SLC25A51: variants seen among roughly 807,000 people sequenced by gnomAD.
The protein encoded by SLC25A51 is mitochondrial nicotinamide adenine dinucleotide transporter SLC25A51.
A neutral mutation model predicts 19.1 loss-of-function variants in SLC25A51; 11 were observed. That is an observed-to-expected ratio of 0.58 (90% CI 0.36 to 0.96). The LOEUF is 0.96. Ranked by LOEUF, SLC25A51 falls within the 40% of genes least tolerant of loss-of-function variation. The probability of loss-of-function intolerance (pLI) is 0.01; values close to 1 mark genes in which losing one functional copy is unlikely to be tolerated. For synonymous variants in SLC25A51, 105 were observed against 133.6 expected (o/e 0.79, Z 1.47); for missense variants, 201 against 365.4 (o/e 0.55, Z 3.67).
intron 2 of SLC25A51, among the ~76,000 whole-genome samples, chr9:37,898,867 A>G (rs1455649198): frequency 6.6e-6 from 1 of 152,230 alleles, no homozygotes; most frequent in Non-Finnish European, 1.5e-5. Flanking sequence ...TCCCACCGCC[A>G]ATAACTCAAG....
chr9:37,895,080 T>C (rs909254695), intron 2 of SLC25A51, among the ~76,000 whole-genome samples: 1 of 152,264 alleles, frequency 6.6e-6, no homozygotes, highest in Non-Finnish European at 1.5e-5. Flanking sequence ...GCAGTGAACA[T>C]GGCTGTGCAT....
chr9:37,885,347 A>T (rs113315146), downstream of SLC25A51, among the ~76,000 whole-genome samples: 1 of 149,212 alleles, frequency 6.7e-6, no homozygotes, highest in South Asian at 2.1e-4. Context: ...AATGATAAAA[A>T]AAAAAAAAAA....
At chr9:37,885,729 AAGAACCGC>A, downstream of SLC25A51, 1 of 1,448,184 alleles carries the variant, frequency 6.9e-7, no homozygotes. Flanking sequence ...TGTGATGATG[AAGAACCGC>A]AGATCCATCA....
At chr9:37,885,603 C>A, downstream of SLC25A51, 1 of 748,834 alleles carries the variant, frequency 1.3e-6, no homozygotes, top group Non-Finnish European at 2.4e-6. Flanking sequence ...GAGTTTCACT[C>A]TTTTTGGCAA....
intron 2 of SLC25A51, among the ~76,000 whole-genome samples, chr9:37,891,496 T>C (rs1419722059): frequency 6.6e-6 from 1 of 152,346 alleles, no homozygotes; most frequent in East Asian, 1.9e-4. Flanking sequence ...GGAGACTCCA[T>C]TTTGTTCTGT....
intron 2 of SLC25A51, among the ~76,000 whole-genome samples, chr9:37,895,365 C>CA (rs1554694349): frequency 5.1e-5 from 7 of 138,262 alleles, no homozygotes; most frequent in Non-Finnish European, 1.1e-4. Flanking sequence ...CCACATTCGG[C>CA]TTTTTTTTTT....
At chr9:37,896,518 G>A (rs1010873943) in intron 2 of SLC25A51, among the ~76,000 whole-genome samples, 1 of 152,154 alleles carries the variant, frequency 6.6e-6, no homozygotes. Context: ...CTGGGTGGCC[G>A]GGCACAGTGG....
At chr9:37,884,719 A>T (rs1014831964), downstream of SLC25A51, among the ~76,000 whole-genome samples, 5 of 152,232 alleles carry the variant, frequency 3.3e-5, no homozygotes, top group Non-Finnish European at 7.3e-5. Flanking sequence ...GGCACCAGTA[A>T]TTCAAAGAAA....
intron 1 of SLC25A51, among the ~76,000 whole-genome samples, chr9:37,900,313 G>A (rs932154522): frequency 2.0e-5 from 3 of 152,000 alleles, no homozygotes; most frequent in Non-Finnish European, 2.9e-5. Flanking sequence ...GCCAGGCATC[G>A]TGGCACGCAC....
chr9:37,894,229 T>C (rs1305314184), intron 2 of SLC25A51, among the ~76,000 whole-genome samples: 1 of 152,082 alleles, frequency 6.6e-6, no homozygotes, highest in Non-Finnish European at 1.5e-5. Context: ...AGTGTGTGAG[T>C]GGGTATACAA....
chr9:37,886,393 T>G, downstream of SLC25A51: 1 of 1,588,488 alleles, frequency 6.3e-7, no homozygotes, highest in Non-Finnish European at 8.6e-7. Context: ...ATAAATAAGA[T>G]CCTCACTTTG....
chr9:37,894,702 G>A (rs1310874521), intron 2 of SLC25A51, among the ~76,000 whole-genome samples: 1 of 152,114 alleles, frequency 6.6e-6, no homozygotes, highest in Admixed American at 6.5e-5. Context: ...TTGTTGTACA[G>A]ATTATTTCGC....
At chr9:37,900,428 G>A (rs1465672879) in intron 1 of SLC25A51, among the ~76,000 whole-genome samples, 1 of 150,430 alleles carries the variant, frequency 6.6e-6, no homozygotes, top group African/African-American at 2.4e-5. Context: ...CAGCCTGGGC[G>A]ACACAGCAAG....
At chr9:37,895,192 T>C (rs1831690331) in intron 2 of SLC25A51, among the ~76,000 whole-genome samples, 2 of 152,048 alleles carry the variant, frequency 1.3e-5, no homozygotes, top group South Asian at 4.1e-4. Flanking sequence ...ATGTGAATTG[T>C]TTTGCCATTA....
chr9:37,888,960 G>A (rs1183619502), intron 2 of SLC25A51, among the ~76,000 whole-genome samples: 1 of 152,086 alleles, frequency 6.6e-6, no homozygotes, highest in African/African-American at 2.4e-5. Flanking sequence ...GAAAAAAATG[G>A]GAGGCATGAA....
At position 37,888,509 on chromosome 9, in the gene SLC25A51, T is replaced by C; in HGVS notation, c.42A>G (p.Leu14=). The C allele has an allele frequency of 6.2e-7, 1 of 1,613,444 alleles. No individual in the cohort carries two copies. The highest frequency in any genetic ancestry group is 1.7e-5 in the Admixed American group (1 of 59,880). ...SEAHEKRPPI[L]TSSKQDISPH... The stretch of plus-strand genomic sequence containing the variant: ...GTGATATATCTTGTTTTGAAGATGT[T>C]AGTATTGGTGGCCTCTTTTCATGAG... Residue 14 remains leucine, a synonymous_variant, in exon 3 of 3, where the codon CTA becomes CTG. Transcript: ENST00000242275.
At chr9:37,879,113 T>C (rs1163505999), downstream of SLC25A51, 2 of 356,696 alleles carry the variant, frequency 5.6e-6, no homozygotes, top group Non-Finnish European at 1.1e-5. Flanking sequence ...TGGCATTCCA[T>C]GTAGACTTTG....
chr9:37,896,366 C>A (rs201973812), intron 2 of SLC25A51, among the ~76,000 whole-genome samples: 1 of 151,938 alleles, frequency 6.6e-6, no homozygotes, highest in Non-Finnish European at 1.5e-5. Flanking sequence ...GTAGGGCTTC[C>A]CCCTCCAAAG....
chr9:37,894,722 A>AT (rs1328636527), intron 2 of SLC25A51, among the ~76,000 whole-genome samples: 12 of 152,156 alleles, frequency 7.9e-5, no homozygotes, highest in Admixed American at 7.9e-4. Context: ...CCACCCAGGT[A>AT]TTAAGCCTAG....
Sources: allele counts gnomAD v4.1 joint callset (sites outside exome capture counted in the v4.1 genomes callset), GRCh38; gene constraint gnomAD v4.1.1; transcripts MANE v1.5; gene names NCBI Gene and HGNC (gene_info 2026-07-23, HGNC 2026-07-21).